The following COL22A1 variants were observed in gnomAD, a reference collection of about 807,000 sequenced individuals.
The protein encoded by COL22A1 is collagen alpha-1(XXII) chain.
COL22A1 carries 221 observed loss-of-function variants against 248.9 expected under a neutral mutation model. The observed-to-expected ratio is 0.89, with a 90% CI of 0.80 to 0.99. The LOEUF (loss-of-function observed/expected upper bound fraction) is 0.99, where lower values mean the gene tolerates loss of function less well. COL22A1 is among the 50% of genes least tolerant of loss of function. The probability of loss-of-function intolerance (pLI) is 0.00; values close to 1 mark genes in which losing one functional copy is unlikely to be tolerated. For synonymous variants in COL22A1, 891 were observed against 793.4 expected, an observed-to-expected ratio of 1.12 and a Z score of -2.07; for missense variants, 2,240 against 2,179.0, an observed-to-expected ratio of 1.03 and a Z score of -0.56.
At chr8:138,677,370 C>T (rs796730317) in intron 40 of COL22A1, among the ~76,000 whole-genome samples, 8 of 152,322 alleles carry the variant, frequency 5.3e-5, no homozygotes, top group African/African-American at 1.9e-4. Flanking sequence ...CAGCACTGAA[C>T]CTGAGCTAGG....
intron 60 of COL22A1, among the ~76,000 whole-genome samples, chr8:138,600,701 T>C (rs1817925507): frequency 6.6e-6 from 1 of 152,194 alleles, no homozygotes; most frequent in Non-Finnish European, 1.5e-5. Context: ...GCTTTTAATA[T>C]TTCAACAATA....
chr8:138,620,837 C>T (rs141112123), intron 52 of COL22A1, among the ~76,000 whole-genome samples: 1,561 of 152,244 alleles, frequency 0.01, 17 homozygotes, highest in South Asian at 0.017. Context: ...AATTAATGCT[C>T]AAATATCTCT....
At chr8:138,854,025 A>ATG (rs1563846494) in intron 3 of COL22A1, among the ~76,000 whole-genome samples, 14 of 151,620 alleles carry the variant, frequency 9.2e-5, no homozygotes, top group African/African-American at 3.2e-4. Flanking sequence ...GAACCCCTTA[A>ATG]ATGAGCAGGA....
intron 60 of COL22A1, among the ~76,000 whole-genome samples, chr8:138,599,560 A>AT (rs893722518): frequency 3.9e-5 from 6 of 152,098 alleles, no homozygotes; most frequent in Non-Finnish European, 7.4e-5. Flanking sequence ...CATTAGCAAA[A>AT]TTTTTTTTAA....
chr8:138,854,729 C>T (rs1003045526), intron 3 of COL22A1, among the ~76,000 whole-genome samples: 2 of 152,154 alleles, frequency 1.3e-5, no homozygotes, highest in Non-Finnish European at 1.5e-5. Flanking sequence ...CTCCGAGACC[C>T]CATCAGATTC....
At chr8:138,668,753 T>C (rs376803560) in intron 41 of COL22A1, among the ~76,000 whole-genome samples, 2 of 152,238 alleles carry the variant, frequency 1.3e-5, no homozygotes, top group Non-Finnish European at 2.9e-5. Flanking sequence ...CTGCATGGCA[T>C]GGAGCCCACT....
intron 1 of COL22A1, among the ~76,000 whole-genome samples, chr8:138,896,017 A>G (rs1284890264): frequency 6.6e-6 from 1 of 152,198 alleles, no homozygotes; most frequent in Non-Finnish European, 1.5e-5. Flanking sequence ...AAGCGCTGAA[A>G]GAGAACTGTC....
chr8:138,808,898 G>A (rs772225570), intron 9 of COL22A1, among the ~76,000 whole-genome samples: 1 of 152,214 alleles, frequency 6.6e-6, no homozygotes, highest in Non-Finnish European at 1.5e-5. Flanking sequence ...TCCCCATGAT[G>A]TTTGCTTATA....
At chr8:138,663,342 T>G (rs1227816004) in intron 42 of COL22A1, among the ~76,000 whole-genome samples, 1 of 152,204 alleles carries the variant, frequency 6.6e-6, no homozygotes, top group Non-Finnish European at 1.5e-5. Flanking sequence ...GCAATCCCCA[T>G]GTTGGCTCAC....
chr8:138,701,881 T>C (rs969816046), intron 31 of COL22A1, among the ~76,000 whole-genome samples: 1 of 139,454 alleles, frequency 7.2e-6, no homozygotes, highest in Non-Finnish European at 1.6e-5. Flanking sequence ...TCCACTTAAT[T>C]TGAGTATCAC....
At chr8:138,694,422 G>T (rs1017068324) in intron 34 of COL22A1, 86 bp downstream of exon 34, 4 of 1,355,586 alleles carry the variant, frequency 3.0e-6, no homozygotes, top group Non-Finnish European at 3.2e-6. Flanking sequence ...CCAGGGGAGA[G>T]AACTGGGGAG....
At chr8:138,634,809 A>G (rs1222891856) in intron 49 of COL22A1, among the ~76,000 whole-genome samples, 1 of 152,178 alleles carries the variant, frequency 6.6e-6, no homozygotes, top group Non-Finnish European at 1.5e-5. Context: ...TGCATGGTCC[A>G]TCAAGCCTAC....
chr8:138,690,696 G>T (rs10089224), intron 36 of COL22A1, 125 bp downstream of exon 36: 151 of 701,228 alleles, frequency 2.2e-4, no homozygotes, highest in Non-Finnish European at 3.2e-4. Context: ...CAGTGTCTCC[G>T]TCTGGAAAAT....
At chr8:138,606,237 C>T in intron 58 of COL22A1, 144 bp downstream of exon 58, 1 of 717,816 alleles carries the variant, frequency 1.4e-6, no homozygotes, top group Non-Finnish European at 2.3e-6. Flanking sequence ...TCTCTTAAAC[C>T]ATGATGCAAC....
At chr8:138,873,643 G>A (rs538066887) in intron 3 of COL22A1, among the ~76,000 whole-genome samples, 2 of 152,296 alleles carry the variant, frequency 1.3e-5, no homozygotes, top group South Asian at 4.2e-4. Flanking sequence ...GCTGCCCCAA[G>A]TAGACAAGTT....
intron 2 of COL22A1, among the ~76,000 whole-genome samples, chr8:138,878,729 T>C (rs1376144496): frequency 2.0e-5 from 3 of 152,194 alleles, no homozygotes; most frequent in Admixed American, 6.5e-5. Context: ...TGTTTTAGGC[T>C]GGGCGCGGTG....
At chr8:138,748,236 T>A (rs1043124709) in intron 22 of COL22A1, among the ~76,000 whole-genome samples, 3 of 152,192 alleles carry the variant, frequency 2.0e-5, no homozygotes, top group African/African-American at 4.8e-5. Flanking sequence ...CCCTCTGTCC[T>A]CTGAACATCT....
chr8:138,711,986 G>C (rs1156972762), intron 30 of COL22A1, among the ~76,000 whole-genome samples: 1 of 152,212 alleles, frequency 6.6e-6, no homozygotes, highest in Non-Finnish European at 1.5e-5. Context: ...CTGTGCCTCT[G>C]TTTCCTCATC....
chr8:138,758,158 C>T (rs996433552), intron 18 of COL22A1, among the ~76,000 whole-genome samples: 2 of 152,178 alleles, frequency 1.3e-5, no homozygotes, highest in African/African-American at 4.8e-5. Context: ...CATCTCTGGC[C>T]AACAGCTGTC....
Sources: gnomAD v4.1 joint callset for allele counts (sites outside exome capture counted in the v4.1 genomes callset) on GRCh38, gnomAD v4.1.1 for gene constraint, MANE v1.5 for transcripts, NCBI Gene and HGNC (gene_info 2026-07-23, HGNC 2026-07-21) for gene names.